TP63: variants seen among roughly 807,000 people sequenced by gnomAD.
TP63 encodes tumor protein 63.
A neutral mutation model predicts 82.8 loss-of-function variants in TP63; 17 were observed. The ratio of observed to expected loss-of-function variants is 0.21; its 90% CI spans 0.14 to 0.31. TP63 has a LOEUF of 0.31. TP63 is among the 10% of genes least tolerant of loss of function. TP63 has a pLI of 1.00. For synonymous variants in TP63, 330 were observed against 321.7 expected, an observed-to-expected ratio of 1.03 and a Z score of -0.28; for missense variants, 648 against 895.3, an observed-to-expected ratio of 0.72 and a Z score of 3.52.
Position 189,790,242 on chromosome 3 carries a change from G to A in TP63, c.325-18030G>A, listed in dbSNP as rs75742204. 8.0e-3 allele frequency among the ~76,000 whole-genome samples: 1,214 copies of A among 152,070 alleles called. 7 individuals are homozygous for A. Among genetic ancestry groups the A allele is most frequent in the Non-Finnish European group, 0.013 (893 of 67,944 alleles). On this transcript the variant is annotated intron_variant, in intron 3 of 13. Coordinates refer to ENST00000264731, the MANE Select transcript of TP63 (RefSeq NM_003722.5). ...GACTGTGTCTTAACTTCTTAGCATA[G>A]TTCTATTTCCAGACTTCATCCTAAA... is the stretch of plus-strand genomic sequence containing the variant.
intron 1 of TP63, among the ~76,000 whole-genome samples, chr3:189,729,835 A>T (rs181848442): frequency 1.3e-5 from 2 of 152,336 alleles, no homozygotes. Flanking sequence ...TTAGTCCTCC[A>T]GGGTCCTTGG....
At chr3:189,651,374 A>G (rs998785381) in intron 1 of TP63, among the ~76,000 whole-genome samples, 6 of 145,928 alleles carry the variant, frequency 4.1e-5, no homozygotes, top group African/African-American at 1.6e-4. Context: ...GGTGAAATCC[A>G]ATCTCTTCTA....
At chr3:189,664,293 C>T (rs1236647058) in intron 1 of TP63, among the ~76,000 whole-genome samples, 1 of 152,102 alleles carries the variant, frequency 6.6e-6, no homozygotes, top group African/African-American at 2.4e-5. Flanking sequence ...ATGCCTATCT[C>T]GTTACTAAAA....
At chr3:189,642,929 A>T (rs1057210178) in intron 1 of TP63, among the ~76,000 whole-genome samples, 2 of 152,284 alleles carry the variant, frequency 1.3e-5, no homozygotes, top group South Asian at 4.2e-4. Context: ...TAAAGAGGAA[A>T]TATATTTCCA....
chr3:189,667,349 A>G (rs1337681704), intron 1 of TP63, among the ~76,000 whole-genome samples: 2 of 151,696 alleles, frequency 1.3e-5, no homozygotes, highest in Admixed American at 1.3e-4. Flanking sequence ...CAATTTTTGT[A>G]TTTTTAGTAG....
chr3:189,893,116 A>G (rs1371072686), intron 13 of TP63, among the ~76,000 whole-genome samples: 1 of 152,202 alleles, frequency 6.6e-6, no homozygotes, highest in Non-Finnish European at 1.5e-5. Context: ...CTTCATTAGT[A>G]TCCCCATAAC....
chr3:189,866,776 G>A lies in TP63; in HGVS notation c.861G>A (p.Leu287=), dbSNP rs545050848. The A allele has an allele frequency of 6.2e-6, 10 of 1,613,996 alleles. No individual in the cohort carries two copies. The South Asian group carries it at 6.6e-5, about 11-fold the overall frequency. ...EDPITGRQSV[L]VPYEPPQVGT... is the part of the protein sequence containing the mutation. ...CCATCACAGGAAGACAGAGTGTGCTGGTACCTTATGAGCCACCCCAGGTAA... is the reference window on the plus strand; with the variant it reads ...CCATCACAGGAAGACAGAGTGTGCTAGTACCTTATGAGCCACCCCAGGTAA... Residue 287 remains leucine, a synonymous_variant, in exon 6 of 14, where the codon CTG becomes CTA. Coordinates refer to ENST00000264731, the MANE Select transcript of TP63 (RefSeq NM_003722.5).
At chr3:189,707,124 A>G (rs559304766) in intron 1 of TP63, among the ~76,000 whole-genome samples, 1 of 152,338 alleles carries the variant, frequency 6.6e-6, no homozygotes, top group East Asian at 1.9e-4. Context: ...TTTTAATAGT[A>G]CAGTTTTATG....
intron 4 of TP63, among the ~76,000 whole-genome samples, chr3:189,827,690 G>A (rs1212513917): frequency 6.6e-6 from 1 of 152,172 alleles, no homozygotes; most frequent in Non-Finnish European, 1.5e-5. Context: ...GGTATACCTG[G>A]ACCATAGAAA....
intron 1 of TP63, among the ~76,000 whole-genome samples, chr3:189,732,311 A>G (rs1339974661): frequency 1.3e-5 from 2 of 152,164 alleles, no homozygotes; most frequent in African/African-American, 2.4e-5. Flanking sequence ...CCCTGAGAGG[A>G]GTAAAGTTGC....
rs139278844 is a variant in TP63, at chr3:189,714,744, T to A, written c.63-22996T>A. Among the ~76,000 whole-genome samples, 3 of 152,054 alleles carry A rather than the reference T, an allele frequency of 2.0e-5. No homozygotes were observed. The East Asian group carries it at 5.8e-4, about 29-fold the overall frequency. The stretch of plus-strand genomic sequence containing the variant: ...AAGGGCATACATAAATGACAAAGAG[T>A]TAATTCAGCTTGCTTCTCAGAGTTA... On this transcript the variant is annotated intron_variant, in intron 1 of 13. Coordinates refer to ENST00000264731, the MANE Select transcript of TP63 (RefSeq NM_003722.5).
At chr3:189,762,877 G>C (rs540905697) in intron 3 of TP63, among the ~76,000 whole-genome samples, 7 of 152,182 alleles carry the variant, frequency 4.6e-5, no homozygotes, top group Admixed American at 1.3e-4. Flanking sequence ...CTAAATTATT[G>C]TACCTGGGAA....
At position 189,635,006 on chromosome 3, in the gene TP63, C is replaced by CA. The variant is rs1729689136; in HGVS notation, c.62+3435dup. On this transcript the variant is annotated intron_variant, in intron 1 of 13. Transcript: ENST00000264731. Reference sequence around the variant, plus strand: ...TTAAATTCTTTCAAAGTATTTTTTTCAAAAAATAAACCAGTTAAAATGATA... The same window carrying CA: ...TTAAATTCTTTCAAAGTATTTTTTTCAAAAAAATAAACCAGTTAAAATGATA... 1.2e-4 allele frequency among the ~76,000 whole-genome samples: 18 copies of CA among 151,330 alleles called. No individual in the cohort carries two copies. The South Asian group carries it at 3.7e-3, about 31-fold the overall frequency.
chr3:189,895,965 G>A lies in TP63; in HGVS notation c.*1463G>A, dbSNP rs1024646992. The A allele has an allele frequency of 8.7e-6, 2 of 229,406 alleles. No homozygotes were observed. Among genetic ancestry groups the A allele is most frequent in the Non-Finnish European group, 1.7e-5 (2 of 115,708 alleles). The allele number at this position is 229,406 out of a possible 1,614,324, so 14.2% of individuals were successfully genotyped here. A position where few individuals can be genotyped will look rare whatever the true frequency, so the allele number is the denominator to read the frequency against. On this transcript the variant is annotated 3_prime_UTR_variant, in exon 14 of 14. Coordinates refer to ENST00000264731, the MANE Select transcript of TP63 (RefSeq NM_003722.5). ...TTAGGGACTACCCATAGACATGAAA[G>A]GTCCCCACAGAGCAAGAGATAAGTC...
At chr3:189,820,969 G>C (rs537254392) in intron 4 of TP63, among the ~76,000 whole-genome samples, 83 of 152,242 alleles carry the variant, frequency 5.5e-4, no homozygotes, top group Admixed American at 3.8e-3. Context: ...TTTGAACACA[G>C]TGCATTTTCT....
chr3:189,829,904 C>A, intron 4 of TP63: 1 of 391,408 alleles, frequency 2.6e-6, no homozygotes, highest in Non-Finnish European at 5.2e-6. Context: ...AATTTTTCTG[C>A]AGTAAATTTG....
intron 10 of TP63, among the ~76,000 whole-genome samples, chr3:189,882,358 GTCTT>G (rs1720006783): frequency 6.6e-6 from 1 of 151,976 alleles, no homozygotes; most frequent in African/African-American, 2.4e-5. Context: ...ATGCTGCACT[GTCTT>G]TAGTAGCCAG....
chr3:189,867,100 A>AATT, intron 6 of TP63, among the ~76,000 whole-genome samples: 4 of 152,258 alleles, frequency 2.6e-5, no homozygotes, highest in African/African-American at 9.6e-5. Context: ...TCCAACTGGC[A>AATT]GTTGGACGGG....
intron 3 of TP63, among the ~76,000 whole-genome samples, chr3:189,764,891 C>T (rs551871186): frequency 1.3e-5 from 2 of 152,228 alleles, no homozygotes; most frequent in African/African-American, 2.4e-5. Context: ...TGGAATGGAG[C>T]GCACTTTGTT....
Sources: allele counts gnomAD v4.1 joint callset (sites outside exome capture counted in the v4.1 genomes callset), GRCh38; gene constraint gnomAD v4.1.1; transcripts MANE v1.5; gene names NCBI Gene and HGNC (gene_info 2026-07-23, HGNC 2026-07-21).